Variants in MDGA2 observed in about 807,000 individuals in gnomAD.
MDGA2 encodes MAM domain containing glycosylphosphatidylinositol anchor 2, also known as MAM domain-containing glycosylphosphatidylinositol anchor protein 2.
In MDGA2, 40 loss-of-function variants were observed where a neutral mutation model predicts 117.8. The observed-to-expected ratio is 0.34, with a 90% confidence interval of 0.26 to 0.44. MDGA2 has a LOEUF of 0.44. MDGA2 is among the 20% of genes least tolerant of loss of function. The probability of loss-of-function intolerance (pLI) is 1.00; values close to 1 mark genes in which losing one functional copy is unlikely to be tolerated. For missense variants in MDGA2, 1,123 were observed against 1,250.6 expected, an observed-to-expected ratio of 0.90 and a Z score of 1.54; for synonymous variants, 452 against 439.0, an observed-to-expected ratio of 1.03 and a Z score of -0.37.
intron 1 of MDGA2, among the ~76,000 whole-genome samples, chr14:47,668,576 T>C (rs1898019270): frequency 6.6e-6 from 1 of 152,240 alleles, no homozygotes; most frequent in Non-Finnish European, 1.5e-5. Context: ...TAGTTTTCTA[T>C]GAATGCAATA....
intron 8 of MDGA2, among the ~76,000 whole-genome samples, chr14:46,964,290 A>G (rs910861456): frequency 2.0e-5 from 3 of 149,644 alleles, no homozygotes; most frequent in Non-Finnish European, 4.4e-5. Flanking sequence ...TAGAATTACT[A>G]TGATTAGATA....
chr14:47,139,802 A>G (rs5028963), intron 4 of MDGA2, among the ~76,000 whole-genome samples: 7 of 34,472 alleles, frequency 2.0e-4, no homozygotes, highest in African/African-American at 8.9e-4. Flanking sequence ...GTGTATATAT[A>G]TGTATATATA....
intron 1 of MDGA2, among the ~76,000 whole-genome samples, chr14:47,529,960 G>A (rs961813589): frequency 3.9e-5 from 6 of 152,200 alleles, no homozygotes; most frequent in African/African-American, 1.4e-4. Flanking sequence ...AAATCCTCCT[G>A]ATTATTGTAA....
At chr14:47,648,067 C>T (rs1897570180) in intron 1 of MDGA2, among the ~76,000 whole-genome samples, 1 of 152,064 alleles carries the variant, frequency 6.6e-6, no homozygotes, top group Non-Finnish European at 1.5e-5. Flanking sequence ...ATTGTGTAGG[C>T]AAATATCTAC....
At chr14:46,906,188 C>A (rs1382767007) in intron 10 of MDGA2, among the ~76,000 whole-genome samples, 2 of 151,642 alleles carry the variant, frequency 1.3e-5, no homozygotes, top group Non-Finnish European at 2.9e-5. Flanking sequence ...TGACATTTTT[C>A]TTGCTTTTGA....
intron 1 of MDGA2, among the ~76,000 whole-genome samples, chr14:47,322,747 C>G (rs1462433487): frequency 2.0e-5 from 3 of 152,084 alleles, no homozygotes; most frequent in Non-Finnish European, 2.9e-5. Flanking sequence ...TGAAGAGTAG[C>G]CTGTTGTTAT....
At chr14:47,511,091 A>C (rs28613811) in intron 1 of MDGA2, among the ~76,000 whole-genome samples, 40,816 of 152,160 alleles carry the variant, frequency 0.27, 5,993 homozygotes, top group South Asian at 0.53. Flanking sequence ...TACACATGTT[A>C]ACTCCATGAA....
chr14:47,050,483 T>G (rs557702691), intron 7 of MDGA2, among the ~76,000 whole-genome samples: 1 of 152,160 alleles, frequency 6.6e-6, no homozygotes, highest in East Asian at 1.9e-4. Context: ...CAAAACTGCA[T>G]GCTTACAATT....
At chr14:47,170,830 A>G (rs1295288347) in intron 3 of MDGA2, among the ~76,000 whole-genome samples, 2 of 152,110 alleles carry the variant, frequency 1.3e-5, no homozygotes, top group Non-Finnish European at 2.9e-5. Flanking sequence ...CTGTATTTTC[A>G]TTTTCCTAGA....
intron 6 of MDGA2, among the ~76,000 whole-genome samples, chr14:47,079,990 C>CA (rs1890649389): frequency 6.6e-6 from 1 of 152,112 alleles, no homozygotes; most frequent in Non-Finnish European, 1.5e-5. Flanking sequence ...CTCGGCCTCC[C>CA]AAAGTGCTGG....
intron 1 of MDGA2, among the ~76,000 whole-genome samples, chr14:47,648,394 C>T (rs982774383): frequency 6.6e-6 from 1 of 152,108 alleles, no homozygotes; most frequent in African/African-American, 2.4e-5. Flanking sequence ...ATTCCCTTAT[C>T]TTTCCAATGA....
chr14:47,603,227 A>T (rs2138883827), intron 1 of MDGA2, among the ~76,000 whole-genome samples: 1 of 152,222 alleles, frequency 6.6e-6, no homozygotes, highest in South Asian at 2.1e-4. Flanking sequence ...AGGAATCCTA[A>T]TTTTTCCTGT....
chr14:47,164,631 G>C (rs1883786556), intron 3 of MDGA2, among the ~76,000 whole-genome samples: 1 of 152,168 alleles, frequency 6.6e-6, no homozygotes, highest in African/African-American at 2.4e-5. Flanking sequence ...TGGAGAAATA[G>C]GACACTTTTA....
At chr14:47,213,666 C>T (rs1430109223) in intron 3 of MDGA2, among the ~76,000 whole-genome samples, 3 of 152,014 alleles carry the variant, frequency 2.0e-5, no homozygotes, top group Non-Finnish European at 4.4e-5. Context: ...TATGTTATCA[C>T]TTTTAATATG....
chr14:47,026,404 T>C (rs562645562), intron 8 of MDGA2, among the ~76,000 whole-genome samples: 2 of 152,248 alleles, frequency 1.3e-5, no homozygotes, highest in East Asian at 3.9e-4. Context: ...TATTTTTTTC[T>C]AATCAAAGAC....
At chr14:47,565,060 C>T (rs1702033930) in intron 1 of MDGA2, among the ~76,000 whole-genome samples, 1 of 151,916 alleles carries the variant, frequency 6.6e-6, no homozygotes, top group Non-Finnish European at 1.5e-5. Flanking sequence ...CAACTCTTTC[C>T]TGGATGTTGA....
intron 8 of MDGA2, among the ~76,000 whole-genome samples, chr14:46,986,924 T>C (rs1886880530): frequency 6.6e-6 from 1 of 152,086 alleles, no homozygotes; most frequent in Non-Finnish European, 1.5e-5. Flanking sequence ...ACTTTATAAC[T>C]CATGAAGGCA....
intron 1 of MDGA2, among the ~76,000 whole-genome samples, chr14:47,561,141 G>GTTTGTTTTTTTTTTT (rs1555332241): frequency 3.8e-5 from 2 of 52,142 alleles, no homozygotes; most frequent in East Asian, 2.0e-3. Context: ...CTCTATCTTT[G>GTTTGTTTTTTTTTTT]TTTTTTTTTT....
In MDGA2 at chr14:47,299,607, AT is replaced by A. The variant is rs1266724449; in HGVS notation, c.420+1803del. On this transcript the variant is annotated intron_variant, in intron 2 of 16. Transcript: ENST00000399232. ...TTTCCTTGAGTTAATATTATCTTGA[AT>A]TAAGTCTATCATTGTTTAAATTTTT... 6.6e-5 allele frequency: 10 copies of A among 152,344 alleles called. No individual in the cohort carries two copies. In the East Asian group the frequency reaches 1.7e-3, roughly 26 times the overall value. 9.4% of individuals were successfully genotyped at this position (152,344 alleles called of 1,614,324 possible).
Sources: allele counts gnomAD v4.1 joint callset (sites outside exome capture counted in the v4.1 genomes callset), GRCh38; gene constraint gnomAD v4.1.1; transcripts MANE v1.5; gene names NCBI Gene and HGNC (gene_info 2026-07-23, HGNC 2026-07-21).